Variants in FNDC1 observed in about 807,000 individuals in gnomAD.
FNDC1 encodes the protein fibronectin type III domain containing 1, also known as fibronectin type III domain-containing protein 1.
In FNDC1, 96 loss-of-function variants were observed where a neutral mutation model predicts 168.0. The observed-to-expected ratio is 0.57, with a 90% confidence interval of 0.48 to 0.68. FNDC1 has a LOEUF of 0.68. Ranked by LOEUF, FNDC1 falls within the 30% of genes least tolerant of loss-of-function variation. The pLI is 0.00. For missense variants in FNDC1, 2,587 were observed against 2,482.1 expected (o/e 1.04, Z -0.90); for synonymous variants, 1,099 against 1,025.9 (o/e 1.07, Z -1.36).
chr6:159,190,922 A>G (rs1363681555), intron 1 of FNDC1, among the ~76,000 whole-genome samples: 1 of 152,196 alleles, frequency 6.6e-6, no homozygotes, highest in African/African-American at 2.4e-5. Flanking sequence ...CGCTGCTGTA[A>G]AGAACTACCT....
Position 159,234,452 on chromosome 6 carries a change from C to G in FNDC1, c.3940C>G (p.Gln1314Glu). Residue 1314 changes from glutamine (Q) to glutamate (E), a missense_variant, in exon 11 of 23, where the codon CAG (glutamine) becomes GAG (glutamate). Coordinates refer to ENST00000297267, the MANE Select transcript of FNDC1 (RefSeq NM_032532.3). Reference protein sequence around the residue: ...HARFRNPLSRQPARPSYRQGY... With the variant: ...HARFRNPLSREPARPSYRQGY... The stretch of plus-strand genomic sequence containing the variant: ...CAGATTCCGTAACCCTCTCTCCCGA[C>G]AGCCTGCCAGACCCTCTTACAGACA... The G allele has an allele frequency of 6.2e-7, 1 of 1,613,514 alleles. No individual in the cohort carries two copies. Among genetic ancestry groups the G allele is most frequent in the Non-Finnish European group, 8.5e-7 (1 of 1,179,888 alleles).
rs745938244 is a variant in FNDC1, at chr6:159,234,319, G to A, written c.3807G>A (p.Val1269=). The A allele has an allele frequency of 1.9e-6, 3 of 1,609,488 alleles. No homozygotes were observed. The highest frequency in any genetic ancestry group is 1.3e-5 in the African/African-American group (1 of 74,866). Residue 1269 remains valine (V), a synonymous_variant, in exon 11 of 23, where the codon GTG becomes GTA. Transcript: ENST00000297267. ...TGCCGCCTCGCAGCGCTGCCACCGT[G>A]AGCCCCGTCGCGGGCACCCACCCCT... ...SRLPPRSAAT[V]SPVAGTHPWP... is the part of the protein sequence containing the mutation.
At position 159,259,643 on chromosome 6, in the gene FNDC1, A is replaced by C. The variant is rs56976850; in HGVS notation, c.5175-1547A>C. Among the ~76,000 whole-genome samples the C allele has an allele frequency of 5.2e-3, 790 of 152,330 alleles. 6 individuals carry two copies. The highest frequency in any genetic ancestry group is 0.018 in the African/African-American group (744 of 41,574). On this transcript the variant is annotated intron_variant, in intron 18 of 22. Transcript: ENST00000297267. ...TTGCCCAGGACTGGAAATGTATGCCAAACCCACTGCTCAAACTGCCTGCAG... is the reference window on the plus strand; with the variant it reads ...TTGCCCAGGACTGGAAATGTATGCCCAACCCACTGCTCAAACTGCCTGCAG...
intron 1 of FNDC1, among the ~76,000 whole-genome samples, chr6:159,180,170 G>C (rs1781850797): frequency 6.6e-6 from 1 of 152,190 alleles, no homozygotes; most frequent in South Asian, 2.1e-4. Flanking sequence ...CCCTGGCAGA[G>C]AGCCTATCCT....
chr6:159,216,605 G>A (rs1389600241), intron 5 of FNDC1, among the ~76,000 whole-genome samples: 2 of 152,202 alleles, frequency 1.3e-5, no homozygotes, highest in East Asian at 1.9e-4. Context: ...TCATTGGTGA[G>A]TTGGAAGGAG....
intron 15 of FNDC1, among the ~76,000 whole-genome samples, chr6:159,248,108 T>C (rs1777174201): frequency 6.6e-6 from 1 of 152,238 alleles, no homozygotes; most frequent in South Asian, 2.1e-4. Context: ...AAAAACTGAC[T>C]TAAAAGAAAA....
Position 159,199,753 on chromosome 6 carries a change from T to C in FNDC1, c.305-243T>C, listed in dbSNP as rs536155210. ...GAATCCAGGTTTATTACACATGGCA[T>C]GTACCTTGTATGAAATAAAGTTTAT... is the stretch of plus-strand genomic sequence containing the variant. On this transcript the variant is annotated intron_variant, in intron 2 of 22. Transcript: ENST00000297267. 1.4e-4 allele frequency among the ~76,000 whole-genome samples: 21 copies of C among 152,366 alleles called. No homozygotes were observed. In the South Asian group the frequency reaches 3.5e-3, roughly 26 times the overall value.
chr6:159,238,739 T>TC (rs1344288419), intron 13 of FNDC1, 74 bp downstream of exon 13: 2 of 985,954 alleles, frequency 2.0e-6, no homozygotes, highest in African/African-American at 1.6e-5. Flanking sequence ...ATCTTCCTTC[T>TC]CCCCCTCATT....
intron 15 of FNDC1, 136 bp downstream of exon 15, chr6:159,247,105 T>G: frequency 1.5e-6 from 1 of 686,570 alleles, no homozygotes; most frequent in East Asian, 2.7e-5. Flanking sequence ...GAGGGCTGGC[T>G]TAGGGAAGGG....
chr6:159,239,310 G>A (rs1199303981), intron 13 of FNDC1, among the ~76,000 whole-genome samples: 1 of 152,140 alleles, frequency 6.6e-6, no homozygotes, highest in East Asian at 1.9e-4. Flanking sequence ...ATAGGAATGA[G>A]GCAAAGGAAA....
intron 19 of FNDC1, among the ~76,000 whole-genome samples, chr6:159,261,554 C>T (rs567645872): frequency 6.6e-6 from 1 of 152,184 alleles, no homozygotes; most frequent in Non-Finnish European, 1.5e-5. Context: ...TTGACTCTAT[C>T]TGTACAAAAT....
intron 11 of FNDC1, among the ~76,000 whole-genome samples, chr6:159,234,955 A>C (rs1464380067): frequency 6.6e-6 from 1 of 152,252 alleles, no homozygotes; most frequent in Non-Finnish European, 1.5e-5. Context: ...ATACATATGT[A>C]GGCTTATCTT....
intron 15 of FNDC1, among the ~76,000 whole-genome samples, chr6:159,248,288 G>A (rs1199998868): frequency 6.6e-6 from 1 of 151,774 alleles, no homozygotes; most frequent in Non-Finnish European, 1.5e-5. Flanking sequence ...CCCAGAAAAA[G>A]TTCATACATG....
rs541073692 is a variant in FNDC1 at position 159,224,570 on chromosome 6, G to T, written c.884+925G>T. Among the ~76,000 whole-genome samples, 8 of 152,016 alleles carry T rather than the reference G, an allele frequency of 5.3e-5. No individual in the cohort carries two copies. In the South Asian group the frequency reaches 1.5e-3, roughly 28 times the overall value. Reference sequence around the variant, plus strand: ...AAAAGATAGCTGCTTTTTTTTGAAAGACCTCAGAAGATTCGTAGCAATTCT... The same window carrying T: ...AAAAGATAGCTGCTTTTTTTTGAAATACCTCAGAAGATTCGTAGCAATTCT... On this transcript the variant is annotated intron_variant, in intron 7 of 22. Transcript: ENST00000297267.
chr6:159,261,948 A>AT (rs67081649), intron 19 of FNDC1, among the ~76,000 whole-genome samples: 81,883 of 151,182 alleles, frequency 0.54, 25,109 homozygotes, highest in Non-Finnish European at 0.68. Flanking sequence ...CAAAAAAAAA[A>AT]TTTTTTTTAA....
chr6:159,194,223 T>C (rs1782196334), intron 1 of FNDC1, among the ~76,000 whole-genome samples: 2 of 152,230 alleles, frequency 1.3e-5, no homozygotes, highest in African/African-American at 4.8e-5. Flanking sequence ...ATCCTGTGAA[T>C]ATGAAAAAGC....
chr6:159,171,119 G>A (rs1366771967), intron 1 of FNDC1, among the ~76,000 whole-genome samples: 1 of 102,464 alleles, frequency 9.8e-6, no homozygotes, highest in East Asian at 2.8e-4. Flanking sequence ...GTTTGTGAGA[G>A]CTCCTGGAAT....
chr6:159,269,152 C>CTA (rs1777659283), intron 22 of FNDC1, among the ~76,000 whole-genome samples: 1 of 126,386 alleles, frequency 7.9e-6, no homozygotes, highest in Non-Finnish European at 1.6e-5. Context: ...ATCTATCCAT[C>CTA]TGTCTATGTA....
intron 13 of FNDC1, 35 bp from the exon 14 acceptor site, chr6:159,239,482 C>T (rs1783350943): frequency 5.2e-6 from 8 of 1,528,648 alleles, no homozygotes; most frequent in Non-Finnish European, 7.1e-6. Context: ...GATTGCTTCA[C>T]CTTGTTGCAT....
Sources: gnomAD v4.1 joint callset for allele counts (sites outside exome capture counted in the v4.1 genomes callset) on GRCh38, gnomAD v4.1.1 for gene constraint, MANE v1.5 for transcripts, NCBI Gene and HGNC (gene_info 2026-07-23, HGNC 2026-07-21) for gene names.